Variants in ADGRL3 observed in about 807,000 individuals in gnomAD.
ADGRL3 encodes calcium-independent alpha-latrotoxin receptor 3.
ADGRL3 carries 62 observed loss-of-function variants against 153.5 expected under a neutral mutation model. The ratio of observed to expected loss-of-function variants is 0.40; its 90% CI spans 0.33 to 0.50. The LOEUF (loss-of-function observed/expected upper bound fraction) is 0.50, where lower values mean the gene tolerates loss of function less well. Among genes scored for constraint, ADGRL3 ranks in the 20% least tolerant of loss-of-function variants. The pLI is 0.47. For missense variants in ADGRL3, 1,641 were observed against 1,859.4 expected, an observed-to-expected ratio of 0.88 and a Z score of 2.16; for synonymous variants, 710 against 672.5, an observed-to-expected ratio of 1.06 and a Z score of -0.86.
intron 2 of ADGRL3, among the ~76,000 whole-genome samples, chr4:61,445,046 T>G (rs1381247101): frequency 1.9e-5 from 1 of 53,194 alleles, no homozygotes; most frequent in East Asian, 7.3e-4. Flanking sequence ...AGTGAGACCC[T>G]GTCTAAAAAA....
intron 8 of ADGRL3, among the ~76,000 whole-genome samples, chr4:61,744,867 A>G (rs1411392375): frequency 6.6e-6 from 1 of 152,222 alleles, no homozygotes; most frequent in Non-Finnish European, 1.5e-5. Flanking sequence ...TGGACAGAGA[A>G]TGACTTTGAT....
chr4:61,996,077 C>T (rs563689107), intron 19 of ADGRL3, among the ~76,000 whole-genome samples: 1 of 152,056 alleles, frequency 6.6e-6, no homozygotes, highest in Admixed American at 6.5e-5. Flanking sequence ...GCCATATTTT[C>T]CTGCTTCCTC....
chr4:61,546,085 T>C (rs1284489110), intron 4 of ADGRL3, among the ~76,000 whole-genome samples: 2 of 152,174 alleles, frequency 1.3e-5, no homozygotes, highest in East Asian at 3.9e-4. Flanking sequence ...AGCTTCTGGC[T>C]AGTGTCACTG....
rs140948063 is a variant in ADGRL3 at position 61,423,456 on chromosome 4, G to C, written c.-174+40267G>C. 9.2e-5 allele frequency among the ~76,000 whole-genome samples: 14 copies of C among 152,328 alleles called. No individual in the cohort carries two copies. In the East Asian group the frequency reaches 2.5e-3, roughly 27 times the overall value. On this transcript the variant is annotated intron_variant, in intron 2 of 26. Transcript: ENST00000683033. Reference sequence around the variant, plus strand: ...GAAAGTGTATAGGAGTTTAACTTCAGAGCTATTGAACATTGTGTTAGATAA... The same window carrying C: ...GAAAGTGTATAGGAGTTTAACTTCACAGCTATTGAACATTGTGTTAGATAA...
intron 1 of ADGRL3, among the ~76,000 whole-genome samples, chr4:61,344,760 G>A (rs1310297972): frequency 6.6e-6 from 1 of 151,882 alleles, no homozygotes; most frequent in Non-Finnish European, 1.5e-5. Flanking sequence ...TTGTTTACTG[G>A]ATTCATTGTC....
At chr4:62,036,333 A>G (rs1724971484) in intron 23 of ADGRL3, among the ~76,000 whole-genome samples, 1 of 151,904 alleles carries the variant, frequency 6.6e-6, no homozygotes, top group Non-Finnish European at 1.5e-5. Flanking sequence ...ACTCTTTTGA[A>G]GACTTTCTGG....
chr4:61,820,296 G>A (rs556640497), intron 9 of ADGRL3, among the ~76,000 whole-genome samples: 8 of 152,256 alleles, frequency 5.3e-5, no homozygotes, highest in Middle Eastern at 3.4e-3. Context: ...GCATTTGGCT[G>A]CATAATTTAT....
At chr4:61,497,542 G>A (rs1216702908) in intron 3 of ADGRL3, among the ~76,000 whole-genome samples, 194 bp downstream of exon 3, 1 of 132,002 alleles carries the variant, frequency 7.6e-6, no homozygotes, top group Admixed American at 8.6e-5. Flanking sequence ...TTCAGTCAGA[G>A]CCTCGCACTG....
chr4:61,630,249 A>G (rs1164041500), intron 5 of ADGRL3, among the ~76,000 whole-genome samples: 1 of 152,188 alleles, frequency 6.6e-6, no homozygotes, highest in South Asian at 2.1e-4. Context: ...CCTAATTAAT[A>G]TAATGTTTCT....
At position 62,070,312 on chromosome 4, in the gene ADGRL3, C is replaced by G. The variant is rs1194306527; in HGVS notation, c.4036C>G (p.Leu1346Val). The change falls in exon 27 of 27, where the codon CTG (leucine) becomes GTG (valine). Residue 1346 changes from leucine (L) to valine (V), a missense_variant. Physicochemically the swap from Leu to Val is conservative, Grantham distance 32. This residue lies in a region of ADGRL3 where 517 missense variants were observed against 555.0 expected (regional missense o/e 0.93). Coordinates refer to ENST00000683033, the MANE Select transcript of ADGRL3 (RefSeq NM_001387552.1). ...CACTTCCAACTATATCCCTTCTTAC[C>G]TGAACAACCATGAGCGCTCCAGTGA... ...ELTSNYIPSY[L>V]NNHERSSEQN... is the part of the protein sequence containing the mutation. 1.3e-6 allele frequency: 2 copies of G among 1,558,540 alleles called. No individual in the cohort carries two copies. The highest frequency in any genetic ancestry group is 2.4e-5 in the East Asian group (1 of 41,424).
intron 3 of ADGRL3, 139 bp downstream of exon 3, chr4:61,497,487 G>T (rs879100884): frequency 2.0e-6 from 1 of 488,128 alleles, no homozygotes; most frequent in Non-Finnish European, 3.5e-6. Context: ...TAAAATAAAA[G>T]AACATAATGT....
chr4:61,865,504 C>G (rs553077826), intron 9 of ADGRL3, among the ~76,000 whole-genome samples: 11 of 152,230 alleles, frequency 7.2e-5, no homozygotes, highest in Admixed American at 7.2e-4. Context: ...CTGACTGTAC[C>G]ATATGCTTTC....
At chr4:61,838,172 T>A (rs1256525262) in intron 9 of ADGRL3, among the ~76,000 whole-genome samples, 1 of 152,168 alleles carries the variant, frequency 6.6e-6, no homozygotes, top group Admixed American at 6.6e-5. Flanking sequence ...GTAGTAATTA[T>A]ACTTGCTGGA....
At chr4:61,439,623 C>T (rs184544986) in intron 2 of ADGRL3, among the ~76,000 whole-genome samples, 3 of 151,960 alleles carry the variant, frequency 2.0e-5, no homozygotes, top group Admixed American at 2.0e-4. Flanking sequence ...ACCCCCGACA[C>T]GCCCCGGTAT....
intron 3 of ADGRL3, among the ~76,000 whole-genome samples, chr4:61,505,678 G>C (rs2098423466): frequency 6.6e-6 from 1 of 151,740 alleles, no homozygotes; most frequent in Admixed American, 6.6e-5. Flanking sequence ...TTTTACTTCT[G>C]TAGATTGTTT....
At chr4:61,807,032 C>T (rs2097559877) in intron 8 of ADGRL3, among the ~76,000 whole-genome samples, 2 of 152,066 alleles carry the variant, frequency 1.3e-5, no homozygotes, top group African/African-American at 4.8e-5. Context: ...TTTTTAAACA[C>T]CTACTGTGAG....
chr4:61,797,441 A>C (rs1053286772), intron 8 of ADGRL3, among the ~76,000 whole-genome samples: 14 of 152,224 alleles, frequency 9.2e-5, no homozygotes, highest in Admixed American at 9.2e-4. Flanking sequence ...AAAATAAAGC[A>C]TAATTTAAAC....
At chr4:62,010,765 C>G (rs1471539985) in intron 21 of ADGRL3, among the ~76,000 whole-genome samples, 1 of 151,996 alleles carries the variant, frequency 6.6e-6, no homozygotes, top group African/African-American at 2.4e-5. Context: ...AGAACTCACT[C>G]TAATATTTAG....
In ADGRL3 at chr4:61,555,070, A is replaced by G. The variant is rs777301948; in HGVS notation, c.260-32157A>G. Reference sequence around the variant, plus strand: ...TCTTGGTATGGGAGAGAACACCTTTACCCATGTAAATTTCCTTTACGAATA... The same window carrying G: ...TCTTGGTATGGGAGAGAACACCTTTGCCCATGTAAATTTCCTTTACGAATA... On this transcript the variant is annotated intron_variant, in intron 4 of 26. Coordinates refer to ENST00000683033, the MANE Select transcript of ADGRL3 (RefSeq NM_001387552.1). Among the ~76,000 whole-genome samples the G allele has an allele frequency of 5.9e-5, 9 of 152,124 alleles. No homozygotes were observed. In the East Asian group the frequency reaches 1.2e-3, roughly 20 times the overall value.
Sources: gnomAD v4.1 joint callset for allele counts (sites outside exome capture counted in the v4.1 genomes callset) on GRCh38, gnomAD v4.1.1 for gene constraint, gnomAD v4.1.1 regional missense constraint, MANE v1.5 for transcripts, NCBI Gene and HGNC (gene_info 2026-07-23, HGNC 2026-07-21) for gene names.